BRINP3: variants seen among roughly 807,000 people sequenced by gnomAD.
BRINP3 encodes the protein BMP/retinoic acid-inducible neural-specific protein 3.
Under a neutral mutation model 71.0 loss-of-function variants are expected in BRINP3, and 19 were observed. The observed-to-expected ratio is 0.27, with a 90% confidence interval of 0.19 to 0.39. The LOEUF (loss-of-function observed/expected upper bound fraction) is 0.39, where lower values mean the gene tolerates loss of function less well. Ranked by LOEUF, BRINP3 falls within the 10% of genes least tolerant of loss-of-function variation. The probability of loss-of-function intolerance (pLI) is 1.00; values close to 1 mark genes in which losing one functional copy is unlikely to be tolerated. For synonymous variants in BRINP3, 380 were observed against 337.7 expected (o/e 1.13, Z -1.37); for missense variants, 959 against 940.8 (o/e 1.02, Z -0.25).
At chr1:190,198,204 A>C (rs1166026624) in intron 6 of BRINP3, among the ~76,000 whole-genome samples, 2 of 152,186 alleles carry the variant, frequency 1.3e-5, no homozygotes, top group Admixed American at 1.3e-4. Context: ...GACCCAGCCC[A>C]GAAAATCATT....
chr1:190,187,049 C>A (rs1172122946), intron 6 of BRINP3, among the ~76,000 whole-genome samples: 2 of 152,088 alleles, frequency 1.3e-5, no homozygotes, highest in Non-Finnish European at 2.9e-5. Context: ...TAGATTCCAA[C>A]ATTCTTAGGG....
At chr1:190,409,830 T>C (rs982998425) in intron 2 of BRINP3, among the ~76,000 whole-genome samples, 1 of 152,112 alleles carries the variant, frequency 6.6e-6, no homozygotes, top group South Asian at 2.1e-4. Flanking sequence ...TAAAAATATT[T>C]GACTCTTTAT....
chr1:190,261,613 A>C (rs951071804), intron 4 of BRINP3, among the ~76,000 whole-genome samples: 3 of 152,120 alleles, frequency 2.0e-5, no homozygotes, highest in African/African-American at 7.2e-5. Context: ...TTTTGCTGTT[A>C]CCTGATAACA....
intron 2 of BRINP3, among the ~76,000 whole-genome samples, chr1:190,285,460 TA>T (rs1338495851): frequency 6.6e-6 from 1 of 152,036 alleles, no homozygotes; most frequent in East Asian, 1.9e-4. Context: ...GAACTGAAAG[TA>T]AATTTTGTCA....
intron 6 of BRINP3, among the ~76,000 whole-genome samples, chr1:190,172,286 G>C (rs1652085595): frequency 2.0e-5 from 3 of 150,536 alleles, no homozygotes; most frequent in Non-Finnish European, 4.4e-5. Context: ...TTAAATATTG[G>C]CTTTTATGTA....
intron 2 of BRINP3, among the ~76,000 whole-genome samples, chr1:190,339,746 T>A (rs774889387): frequency 3.0e-4 from 45 of 152,068 alleles, no homozygotes; most frequent in Non-Finnish European, 5.3e-4. Context: ...TTTAGGCATT[T>A]ATTTCTGTTA....
At chr1:190,460,248 T>A (rs903846539) in intron 1 of BRINP3, among the ~76,000 whole-genome samples, 9 of 150,146 alleles carry the variant, frequency 6.0e-5, no homozygotes, top group African/African-American at 1.9e-4. Flanking sequence ...AATGTTAGAA[T>A]TATTTATTAT....
At chr1:190,339,026 A>G (rs1228358582) in intron 2 of BRINP3, among the ~76,000 whole-genome samples, 4 of 150,832 alleles carry the variant, frequency 2.7e-5, no homozygotes, top group Non-Finnish European at 5.9e-5. Context: ...ATAAATAAAT[A>G]AATAAATAAA....
intron 2 of BRINP3, among the ~76,000 whole-genome samples, chr1:190,349,411 A>T (rs1668229595): frequency 6.6e-6 from 1 of 152,108 alleles, no homozygotes; most frequent in Non-Finnish European, 1.5e-5. Context: ...TAATTTTTTG[A>T]AGTATCTTGA....
chr1:190,146,573 C>T (rs1056715924), intron 7 of BRINP3, among the ~76,000 whole-genome samples: 6 of 151,964 alleles, frequency 3.9e-5, no homozygotes, highest in Non-Finnish European at 2.9e-5. Flanking sequence ...TGAGACTTTA[C>T]ACATATAAAA....
At chr1:190,334,686 T>C (rs2103090476) in intron 2 of BRINP3, among the ~76,000 whole-genome samples, 1 of 151,906 alleles carries the variant, frequency 6.6e-6, no homozygotes, top group Middle Eastern at 3.4e-3. Flanking sequence ...TTTGTCTGGG[T>C]GTTTAAATGG....
chr1:190,192,533 T>TC (rs1339187444), intron 6 of BRINP3, among the ~76,000 whole-genome samples: 1 of 151,412 alleles, frequency 6.6e-6, no homozygotes, highest in East Asian at 1.9e-4. Context: ...GTTTTTTTTT[T>TC]CAAGGAAGCC....
intron 2 of BRINP3, among the ~76,000 whole-genome samples, chr1:190,295,965 T>C (rs890642829): frequency 1.3e-5 from 2 of 152,078 alleles, no homozygotes; most frequent in East Asian, 1.9e-4. Flanking sequence ...TTCAATGTAA[T>C]GTACCTGCAA....
At chr1:190,394,271 C>T (rs1374484607) in intron 2 of BRINP3, among the ~76,000 whole-genome samples, 2 of 151,452 alleles carry the variant, frequency 1.3e-5, no homozygotes, top group East Asian at 3.9e-4. Context: ...GTCTCCCTTA[C>T]TATGGAGTAT....
chr1:190,207,363 C>A (rs951538372), intron 6 of BRINP3, among the ~76,000 whole-genome samples: 1 of 152,076 alleles, frequency 6.6e-6, no homozygotes, highest in Non-Finnish European at 1.5e-5. Flanking sequence ...TCACACAACA[C>A]AACTACCTGA....
At chr1:190,151,266 C>T (rs931932892) in intron 7 of BRINP3, among the ~76,000 whole-genome samples, 4 of 152,090 alleles carry the variant, frequency 2.6e-5, no homozygotes, top group Non-Finnish European at 5.9e-5. Flanking sequence ...ATAGATGAGA[C>T]CTATTAGAGA....
At chr1:190,250,234 T>G (rs954901576) in intron 4 of BRINP3, among the ~76,000 whole-genome samples, 1 of 151,966 alleles carries the variant, frequency 6.6e-6, no homozygotes, top group African/African-American at 2.4e-5. Context: ...ATATCCATTA[T>G]GAAGTGACAT....
At chr1:190,316,090 G>A (rs926801153) in intron 2 of BRINP3, among the ~76,000 whole-genome samples, 1 of 145,652 alleles carries the variant, frequency 6.9e-6, no homozygotes, top group Non-Finnish European at 1.5e-5. Flanking sequence ...TGTCAGCAAC[G>A]TGGGGCCCAG....
At chr1:190,139,451 CAA>C (rs11315431) in intron 7 of BRINP3, among the ~76,000 whole-genome samples, 155 of 87,546 alleles carry the variant, frequency 1.8e-3, no homozygotes, top group East Asian at 3.3e-3. Context: ...GACTCTGTCT[CAA>C]AAAAAAAAAA....
Sources: allele counts gnomAD v4.1 joint callset (sites outside exome capture counted in the v4.1 genomes callset), GRCh38; gene constraint gnomAD v4.1.1; transcripts MANE v1.5; gene names NCBI Gene and HGNC (gene_info 2026-07-23, HGNC 2026-07-21).